BABAM2: variants seen among roughly 807,000 people sequenced by gnomAD.
BABAM2 encodes BRISC and BRCA1 A complex member 2.
BABAM2 carries 31 observed loss-of-function variants against 54.7 expected under a neutral mutation model. The ratio of observed to expected loss-of-function variants is 0.57; its 90% CI spans 0.43 to 0.77. BABAM2 has a LOEUF of 0.77. Ranked by LOEUF, BABAM2 falls within the 30% of genes least tolerant of loss-of-function variation. BABAM2 has a pLI of 0.00. For missense variants in BABAM2, 364 were observed against 455.8 expected (o/e 0.80, Z 1.83); for synonymous variants, 167 against 162.9 (o/e 1.03, Z -0.19).
intron 2 of BABAM2, among the ~76,000 whole-genome samples, chr2:27,928,644 G>A (rs1447034989): frequency 6.6e-6 from 1 of 151,990 alleles, no homozygotes; most frequent in African/African-American, 2.4e-5. Context: ...ACTTTTATAG[G>A]TTCTTTTTTA....
intron 10 of BABAM2, among the ~76,000 whole-genome samples, chr2:28,285,419 C>T (rs894331025): frequency 6.6e-6 from 1 of 152,194 alleles, no homozygotes; most frequent in Admixed American, 6.5e-5. Context: ...GTGGGTCAGA[C>T]ATTGTCCTAT....
chr2:28,124,196 A>G (rs1335005128), intron 6 of BABAM2, among the ~76,000 whole-genome samples: 2 of 152,334 alleles, frequency 1.3e-5, no homozygotes, highest in East Asian at 3.9e-4. Context: ...TGACCAATCT[A>G]ACTCACATAG....
At chr2:27,953,014 T>G (rs1015712890) in intron 3 of BABAM2, among the ~76,000 whole-genome samples, 71 of 152,204 alleles carry the variant, frequency 4.7e-4, no homozygotes, top group African/African-American at 1.6e-3. Context: ...GCTCTACCCT[T>G]CACACTTCTC....
chr2:27,999,387 A>G (rs1673406642), intron 4 of BABAM2, among the ~76,000 whole-genome samples: 1 of 152,146 alleles, frequency 6.6e-6, no homozygotes. Context: ...GGACAAAAGT[A>G]CAGAGAAGCA....
chr2:28,331,431 G>A (rs867742591), intron 11 of BABAM2, among the ~76,000 whole-genome samples: 65 of 151,558 alleles, frequency 4.3e-4, no homozygotes, highest in African/African-American at 1.5e-3. Context: ...TCTGACAAAG[G>A]TCTAATATCC....
intron 6 of BABAM2, among the ~76,000 whole-genome samples, chr2:28,079,685 A>C (rs1033681814): frequency 9.2e-5 from 14 of 152,108 alleles, no homozygotes; most frequent in African/African-American, 1.2e-4. Context: ...GCCTAATTAC[A>C]TTGTATGGAT....
At chr2:28,294,107 A>G (rs558092073) in intron 10 of BABAM2, among the ~76,000 whole-genome samples, 2 of 151,826 alleles carry the variant, frequency 1.3e-5, no homozygotes, top group South Asian at 2.1e-4. Flanking sequence ...CTGGCCAGGC[A>G]TGGTGGCTCA....
Position 27,936,333 on chromosome 2 carries a change from G to C in BABAM2, c.205+6425G>C, listed in dbSNP as rs144372058. Among the ~76,000 whole-genome samples, 690 of 152,270 alleles carry C rather than the reference G, an allele frequency of 4.5e-3. 1 individual carries two copies. Among genetic ancestry groups the C allele is most frequent in the Non-Finnish European group, 5.4e-3 (365 of 68,014 alleles). On this transcript the variant is annotated intron_variant, in intron 3 of 11. Coordinates refer to ENST00000379624, the MANE Select transcript of BABAM2 (RefSeq NM_199191.3). ...GAGAGGATGTGGAGAAATAGGAACA[G>C]TTTTACACTGTTGGTGGGACTGTAA... is the stretch of plus-strand genomic sequence containing the variant.
intron 10 of BABAM2, among the ~76,000 whole-genome samples, chr2:28,266,080 A>G (rs1684962493): frequency 6.6e-6 from 1 of 151,832 alleles, no homozygotes; most frequent in African/African-American, 2.4e-5. Flanking sequence ...CACCTCCTGG[A>G]TTCAAGTGAT....
chr2:28,099,151 G>A (rs1419028120), intron 6 of BABAM2, among the ~76,000 whole-genome samples: 1 of 152,146 alleles, frequency 6.6e-6, no homozygotes, highest in African/African-American at 2.4e-5. Context: ...ACTTCTTACA[G>A]GGAAAGAATG....
chr2:28,233,103 T>C (rs1052288644), intron 7 of BABAM2: 2 of 399,414 alleles, frequency 5.0e-6, no homozygotes, highest in Non-Finnish European at 1.0e-5. Flanking sequence ...AGAAGGTACC[T>C]TCTCATCAGA....
chr2:28,125,292 T>TTAG (rs1488702482), intron 6 of BABAM2, among the ~76,000 whole-genome samples: 1 of 151,908 alleles, frequency 6.6e-6, no homozygotes, highest in African/African-American at 2.4e-5. Flanking sequence ...TTATTTTATT[T>TTAG]TATTATTATT....
At chr2:27,959,329 C>T (rs1670304507) in intron 3 of BABAM2, among the ~76,000 whole-genome samples, 2 of 152,114 alleles carry the variant, frequency 1.3e-5, no homozygotes, top group South Asian at 4.1e-4. Context: ...TTGTTGGAAT[C>T]TTTTAATTAA....
intron 7 of BABAM2, among the ~76,000 whole-genome samples, chr2:28,180,775 A>C (rs1303070896): frequency 6.6e-6 from 1 of 152,180 alleles, no homozygotes; most frequent in African/African-American, 2.4e-5. Context: ...AAAAAGAAAA[A>C]AAATCACATT....
intron 4 of BABAM2, chr2:27,996,444 A>G (rs1231264323): frequency 6.5e-6 from 1 of 154,868 alleles, no homozygotes; most frequent in Non-Finnish European, 1.5e-5. Context: ...TTGGCCCACA[A>G]CATACTTCAG....
At chr2:27,981,039 T>C (rs1374471429) in intron 3 of BABAM2, among the ~76,000 whole-genome samples, 1 of 152,118 alleles carries the variant, frequency 6.6e-6, no homozygotes, top group Non-Finnish European at 1.5e-5. Context: ...ATATCTATAA[T>C]AGTTAAAAAT....
intron 11 of BABAM2, among the ~76,000 whole-genome samples, chr2:28,299,984 G>T (rs570205402): frequency 1.7e-4 from 26 of 151,986 alleles, no homozygotes; most frequent in Non-Finnish European, 3.2e-4. Flanking sequence ...TGTTGCCTAG[G>T]CTGGAGTACA....
At chr2:28,042,074 C>G (rs944088621) in intron 5 of BABAM2, among the ~76,000 whole-genome samples, 7 of 152,042 alleles carry the variant, frequency 4.6e-5, no homozygotes, top group African/African-American at 1.7e-4. Flanking sequence ...GATTTTGCCG[C>G]CACTTTGAAT....
chr2:28,109,667 G>T (rs1169464716), intron 6 of BABAM2, among the ~76,000 whole-genome samples: 3 of 152,038 alleles, frequency 2.0e-5, no homozygotes, highest in African/African-American at 7.2e-5. Context: ...GACCCAAAGG[G>T]GATAGTCTCG....
Sources: allele counts gnomAD v4.1 joint callset (sites outside exome capture counted in the v4.1 genomes callset), GRCh38; gene constraint gnomAD v4.1.1; transcripts MANE v1.5; gene names NCBI Gene and HGNC (gene_info 2026-07-23, HGNC 2026-07-21).